The following ZNF804A variants were observed in gnomAD, a reference collection of about 807,000 sequenced individuals.
The protein encoded by ZNF804A is zinc finger protein 804A.
A neutral mutation model predicts 16.5 loss-of-function variants in ZNF804A; 2 were observed. That is an observed-to-expected ratio of 0.12 (90% CI 0.05 to 0.38). ZNF804A has a LOEUF of 0.38. Ranked by LOEUF, ZNF804A falls within the 10% of genes least tolerant of loss-of-function variation. The pLI, the probability that ZNF804A is intolerant of heterozygous loss-of-function variation, is 0.99. For missense variants in ZNF804A, 1,473 were observed against 1,390.7 expected (o/e 1.06, Z -0.94); for synonymous variants, 534 against 489.6 (o/e 1.09, Z -1.20).
At chr2:184,739,035 G>A (rs1693675308) in intron 1 of ZNF804A, among the ~76,000 whole-genome samples, 1 of 152,104 alleles carries the variant, frequency 6.6e-6, no homozygotes, top group Non-Finnish European at 1.5e-5. Flanking sequence ...TTTGATTGTA[G>A]GATAAACAAT....
chr2:184,640,466 T>C (rs1442830610), intron 1 of ZNF804A, among the ~76,000 whole-genome samples: 1 of 152,072 alleles, frequency 6.6e-6, no homozygotes, highest in Non-Finnish European at 1.5e-5. Flanking sequence ...TTTTAGAATA[T>C]AAAGGAACAG....
chr2:184,658,522 A>T (rs1297722592), intron 1 of ZNF804A, among the ~76,000 whole-genome samples: 2 of 151,818 alleles, frequency 1.3e-5, no homozygotes, highest in Non-Finnish European at 2.9e-5. Flanking sequence ...AACACCAAGA[A>T]TTTTTTTTCT....
intron 1 of ZNF804A, among the ~76,000 whole-genome samples, chr2:184,722,111 T>TG (rs1032258298): frequency 6.6e-6 from 1 of 151,602 alleles, no homozygotes; most frequent in Admixed American, 6.6e-5. Context: ...GTGTATGGGT[T>TG]GGGGGGGATG....
intron 1 of ZNF804A, among the ~76,000 whole-genome samples, chr2:184,744,620 T>G (rs946320159): frequency 6.6e-6 from 1 of 151,926 alleles, no homozygotes; most frequent in Admixed American, 6.6e-5. Flanking sequence ...AATTTCTTTG[T>G]TTTTTAAGCC....
intron 1 of ZNF804A, among the ~76,000 whole-genome samples, chr2:184,627,048 C>A (rs1224136481): frequency 6.6e-6 from 1 of 151,948 alleles, no homozygotes; most frequent in Non-Finnish European, 1.5e-5. Flanking sequence ...GGCTCAACTA[C>A]AATGAATAAA....
intron 1 of ZNF804A, among the ~76,000 whole-genome samples, chr2:184,682,741 G>A (rs995729376): frequency 2.0e-5 from 3 of 152,160 alleles, no homozygotes; most frequent in African/African-American, 7.2e-5. Flanking sequence ...CCCCCGGTAA[G>A]TTAGATTAAT....
chr2:184,923,009 C>T (rs1184328074), intron 2 of ZNF804A, among the ~76,000 whole-genome samples: 1 of 151,832 alleles, frequency 6.6e-6, no homozygotes, highest in Non-Finnish European at 1.5e-5. Flanking sequence ...AGTTTTGTTC[C>T]TTTTGCTTTA....
chr2:184,635,771 G>A (rs1691685290), intron 1 of ZNF804A, among the ~76,000 whole-genome samples: 1 of 152,092 alleles, frequency 6.6e-6, no homozygotes, highest in Admixed American at 6.6e-5. Context: ...ATGATTATTT[G>A]CTTGTTTTTA....
At chr2:184,908,502 T>C (rs1457628153) in intron 2 of ZNF804A, among the ~76,000 whole-genome samples, 2 of 152,122 alleles carry the variant, frequency 1.3e-5, no homozygotes, top group African/African-American at 4.8e-5. Context: ...GGTAACATGT[T>C]TGCATGATCT....
At chr2:184,913,875 G>T (rs13009002) in intron 2 of ZNF804A, among the ~76,000 whole-genome samples, 22,009 of 152,082 alleles carry the variant, frequency 0.14, 1,743 homozygotes, top group Middle Eastern at 0.24. Context: ...TTCTTAAACA[G>T]CTTCCTCTGA....
At chr2:184,793,187 G>A (rs1694577406) in intron 1 of ZNF804A, among the ~76,000 whole-genome samples, 1 of 152,068 alleles carries the variant, frequency 6.6e-6, no homozygotes, top group Non-Finnish European at 1.5e-5. Flanking sequence ...GTGGGCACCT[G>A]GGTTGATTCC....
Position 184,817,995 on chromosome 2 carries a change from T to C in ZNF804A, c.112-48374T>C, listed in dbSNP as rs150657431. On this transcript the variant is annotated intron_variant, in intron 1 of 3. Transcript: ENST00000302277. ...TTGAAAAACATACTTCAGGATATCATCTAGGAGACCTTCCTCGAACTAGCA... is the reference window on the plus strand; with the variant it reads ...TTGAAAAACATACTTCAGGATATCACCTAGGAGACCTTCCTCGAACTAGCA... Among the ~76,000 whole-genome samples the C allele has an allele frequency of 4.1e-3, 626 of 152,112 alleles. 2 individuals carry two copies. Among genetic ancestry groups the C allele is most frequent in the Admixed American group, 7.9e-3 (121 of 15,252 alleles).
chr2:184,721,707 A>G (rs1290877041), intron 1 of ZNF804A, among the ~76,000 whole-genome samples: 1 of 152,102 alleles, frequency 6.6e-6, no homozygotes, highest in African/African-American at 2.4e-5. Flanking sequence ...CTACAAATGG[A>G]ACGACTGTAC....
At chr2:184,653,611 A>G (rs1444241249) in intron 1 of ZNF804A, among the ~76,000 whole-genome samples, 4 of 152,206 alleles carry the variant, frequency 2.6e-5, no homozygotes, top group African/African-American at 9.6e-5. Flanking sequence ...ATATATTGGC[A>G]TACTTCTGGA....
chr2:184,621,601 G>A (rs1445788952), intron 1 of ZNF804A, among the ~76,000 whole-genome samples: 1 of 151,580 alleles, frequency 6.6e-6, no homozygotes, highest in Non-Finnish European at 1.5e-5. Flanking sequence ...TACTCTACTA[G>A]GAGTATTAAT....
At position 184,937,368 on chromosome 2, in the gene ZNF804A, A is replaced by G; in HGVS notation, c.1972A>G (p.Lys658Glu). Reference sequence around the variant, plus strand: ...ATTAGACTCACATCAGTTACTTGATAAAAGGCCCAAATCAGAATCCATATC... The same window carrying G: ...ATTAGACTCACATCAGTTACTTGATGAAAGGCCCAAATCAGAATCCATATC... ...QLLDSHQLLD[K>E]RPKSESISLS... Residue 658 changes from lysine to glutamate, a missense_variant, in exon 4 of 4, where the codon AAA becomes GAA. Lys to Glu is a moderately conservative substitution (Grantham distance 56). Coordinates refer to ENST00000302277, the MANE Select transcript of ZNF804A (RefSeq NM_194250.2). 1 of 1,613,596 alleles carries G rather than the reference A, an allele frequency of 6.2e-7. No individual in the cohort carries two copies. The highest frequency in any genetic ancestry group is 8.5e-7 in the Non-Finnish European group (1 of 1,179,782).
At chr2:184,809,571 C>A (rs1694860557) in intron 1 of ZNF804A, among the ~76,000 whole-genome samples, 1 of 151,668 alleles carries the variant, frequency 6.6e-6, no homozygotes, top group Non-Finnish European at 1.5e-5. Context: ...CCATCTAGTT[C>A]TTTTTGATAT....
At chr2:184,749,057 T>C (rs762916488) in intron 1 of ZNF804A, among the ~76,000 whole-genome samples, 1 of 151,658 alleles carries the variant, frequency 6.6e-6, no homozygotes, top group Non-Finnish European at 1.5e-5. Flanking sequence ...TATAATTGCC[T>C]TTGCTATTTG....
intron 2 of ZNF804A, among the ~76,000 whole-genome samples, chr2:184,926,083 C>T (rs1315995705): frequency 2.0e-5 from 3 of 151,990 alleles, no homozygotes; most frequent in Non-Finnish European, 2.9e-5. Flanking sequence ...TGTGTACTTA[C>T]TATTACCAGT....
Sources: allele counts gnomAD v4.1 joint callset (sites outside exome capture counted in the v4.1 genomes callset), GRCh38; gene constraint gnomAD v4.1.1; transcripts MANE v1.5; gene names NCBI Gene and HGNC (gene_info 2026-07-23, HGNC 2026-07-21).